Variants in CEP83 observed in about 807,000 individuals in gnomAD.
CEP83 encodes centrosomal protein 83, also known as centrosomal protein of 83 kDa.
Under a neutral mutation model 101.9 loss-of-function variants are expected in CEP83, and 70 were observed. That is an observed-to-expected ratio of 0.69 (90% CI 0.57 to 0.84). The LOEUF is 0.84. CEP83 is among the 40% of genes least tolerant of loss of function. The pLI, the probability that CEP83 is intolerant of heterozygous loss-of-function variation, is 0.00. For missense variants in CEP83, 715 were observed against 787.2 expected, an observed-to-expected ratio of 0.91 and a Z score of 1.10; for synonymous variants, 264 against 267.9, an observed-to-expected ratio of 0.99 and a Z score of 0.14.
chr12:94,273,806 C>A, the CEP83 span, among the ~76,000 whole-genome samples: 52 of 152,250 alleles, frequency 3.4e-4, no homozygotes, highest in Middle Eastern at 6.8e-3. Flanking sequence ...TTGGCACATG[C>A]AGCTATAAGT....
At chr12:94,387,912 C>G (rs534933035) in intron 6 of CEP83, among the ~76,000 whole-genome samples, 2 of 150,344 alleles carry the variant, frequency 1.3e-5, no homozygotes, top group East Asian at 3.9e-4. Context: ...ATAGCTATTA[C>G]TAAAAGGAAA....
chr12:94,275,821 C>G, the CEP83 span, among the ~76,000 whole-genome samples: 4 of 76,388 alleles, frequency 5.2e-5, no homozygotes, highest in Non-Finnish European at 9.9e-5. Context: ...CGCCACTGCA[C>G]TCCAGCCTGG....
intron 6 of CEP83, among the ~76,000 whole-genome samples, chr12:94,381,577 AC>A (rs1158827385): frequency 6.6e-6 from 1 of 152,170 alleles, no homozygotes; most frequent in East Asian, 1.9e-4. Context: ...AGGTAGTGTT[AC>A]CTAATTACTC....
rs137869220 is a variant in CEP83, at chr12:94,309,205, G to A, written c.2002-288C>T. On this transcript the variant is annotated intron_variant, in intron 16 of 16. Transcript: ENST00000397809. ...ATGCAGGGCCCAGGTATACTTACAT[G>A]GTAACTTTCCAACAACACTGGTGTT... is the stretch of plus-strand genomic sequence containing the variant. Among the ~76,000 whole-genome samples, 353 of 152,186 alleles carry A rather than the reference G, an allele frequency of 2.3e-3. 3 individuals carry two copies. The highest frequency in any genetic ancestry group is 0.015 in the Admixed American group (236 of 15,270).
chr12:94,304,068 C>G, downstream of CEP83: 1 of 1,424,688 alleles, frequency 7.0e-7, no homozygotes, highest in Non-Finnish European at 9.8e-7. Context: ...TTTTAAATAA[C>G]ATTGTTTTTA....
Position 94,434,688 on chromosome 12 carries a change from A to G in CEP83, c.-102+587T>C, listed in dbSNP as rs78655204. Among the ~76,000 whole-genome samples the G allele has an allele frequency of 5.1e-3, 779 of 152,342 alleles. 7 individuals are homozygous for G. The highest frequency in any genetic ancestry group is 0.017 in the Middle Eastern group (5 of 294). On this transcript the variant is annotated intron_variant, in intron 2 of 16. Coordinates refer to ENST00000397809, the MANE Select transcript of CEP83 (RefSeq NM_016122.3). ...GATTTTGAATTTTTTCAGATTTTAG[A>G]ATATTTGCATGTACATAATGAGTAT... is the stretch of plus-strand genomic sequence containing the variant.
At chr12:94,430,625 C>T (rs2065549094) in intron 2 of CEP83, among the ~76,000 whole-genome samples, 1 of 152,014 alleles carries the variant, frequency 6.6e-6, no homozygotes, top group African/African-American at 2.4e-5. Context: ...ATATGGGCAC[C>T]ACAAGGCAAC....
chr12:94,410,454 C>A (rs1357329557), intron 4 of CEP83, among the ~76,000 whole-genome samples: 1 of 152,006 alleles, frequency 6.6e-6, no homozygotes, highest in African/African-American at 2.4e-5. Flanking sequence ...TTATAAACAT[C>A]CTTTTTATCT....
At position 94,441,196 on chromosome 12, in the gene CEP83, T is replaced by C. The variant is rs1816637582; in HGVS notation, c.-154-5869A>G. On this transcript the variant is annotated intron_variant, in intron 1 of 16. Transcript: ENST00000397809. ...ATGGGACTTAATGAAACTAAAAAGC[T>C]TCTGCACAGCAAAAGAAATAATCAG... Among the ~76,000 whole-genome samples, 4 of 152,248 alleles carry C rather than the reference T, an allele frequency of 2.6e-5. No homozygotes were observed. In the South Asian group the frequency reaches 8.3e-4, roughly 32 times the overall value.
chr12:94,454,339 T>C (rs1486002088), intron 1 of CEP83, among the ~76,000 whole-genome samples: 1 of 152,188 alleles, frequency 6.6e-6, no homozygotes, highest in African/African-American at 2.4e-5. Flanking sequence ...ATTCAATACA[T>C]ACTTATTGAG....
At chr12:94,305,128 A>G (rs3803072), downstream of CEP83, 940 of 1,171,132 alleles carry the variant, frequency 8.0e-4, 4 homozygotes, top group East Asian at 9.5e-3. Flanking sequence ...CAAAAAACAG[A>G]ATTGTAACGC....
At chr12:94,292,856 A>G in the CEP83 span, among the ~76,000 whole-genome samples, 3 of 152,364 alleles carry the variant, frequency 2.0e-5, no homozygotes, top group East Asian at 5.8e-4. Flanking sequence ...TTTTCGGATT[A>G]GGGATGCTCA....
the CEP83 span, among the ~76,000 whole-genome samples, chr12:94,274,155 TAAAAAAAA>T: frequency 0.1 from 4,731 of 45,356 alleles, 181 homozygotes; most frequent in Middle Eastern, 0.16. Flanking sequence ...ACCCTGTCTC[TAAAAAAAA>T]AAAAAAAAAA....
chr12:94,399,574 GTTTGT>G (rs1264978831), intron 6 of CEP83, among the ~76,000 whole-genome samples: 2 of 151,940 alleles, frequency 1.3e-5, no homozygotes, highest in Non-Finnish European at 1.5e-5. Context: ...TTGTTTATTT[GTTTGT>G]TTTATTAGCC....
At chr12:94,416,604 T>A (rs774803160) in intron 2 of CEP83, among the ~76,000 whole-genome samples, 15 of 147,126 alleles carry the variant, frequency 1.0e-4, no homozygotes, top group South Asian at 2.2e-4. Context: ...TCCACCCCCA[T>A]CCACACAAGC....
intron 2 of CEP83, among the ~76,000 whole-genome samples, chr12:94,419,537 C>T (rs548245830): frequency 2.0e-4 from 31 of 151,946 alleles, no homozygotes; most frequent in Admixed American, 5.2e-4. Flanking sequence ...AAAAGACAGG[C>T]CAACAACAGT....
intron 1 of CEP83, among the ~76,000 whole-genome samples, chr12:94,439,236 G>C (rs972947853): frequency 6.6e-6 from 1 of 151,946 alleles, no homozygotes; most frequent in African/African-American, 2.4e-5. Context: ...AGATAAATTA[G>C]ACAAAAAGCT....
chr12:94,303,617 G>A (rs1968687146), downstream of CEP83: 1 of 648,628 alleles, frequency 1.5e-6, no homozygotes, highest in African/African-American at 1.9e-5. Context: ...CCTACTGCAT[G>A]AAGCCTTGTT....
the CEP83 span, among the ~76,000 whole-genome samples, chr12:94,288,141 A>T: frequency 1.3e-5 from 2 of 152,248 alleles, no homozygotes; most frequent in African/African-American, 2.4e-5. Flanking sequence ...ATTGAGGAGA[A>T]ATCCTGGTAG....
Sources: allele counts gnomAD v4.1 joint callset (sites outside exome capture counted in the v4.1 genomes callset), GRCh38; gene constraint gnomAD v4.1.1; transcripts MANE v1.5; gene names NCBI Gene and HGNC (gene_info 2026-07-23, HGNC 2026-07-21).